The following DACH1 variants were observed in gnomAD, a reference collection of about 807,000 sequenced individuals.
The protein encoded by DACH1 is dachshund family transcription factor 1, also known as dachshund homolog 1.
DACH1 carries 12 observed loss-of-function variants against 54.2 expected under a neutral mutation model. That is an observed-to-expected ratio of 0.22 (90% confidence interval 0.14 to 0.36). The LOEUF is 0.36. Among genes scored for constraint, DACH1 ranks in the 10% least tolerant of loss-of-function variants. The pLI is 1.00. For missense variants in DACH1, 805 were observed against 929.8 expected (o/e 0.87, Z 1.75); for synonymous variants, 386 against 366.2 (o/e 1.05, Z -0.62).
intron 3 of DACH1, among the ~76,000 whole-genome samples, chr13:71,603,777 T>G (rs940040482): frequency 6.6e-6 from 1 of 151,968 alleles, no homozygotes; most frequent in African/African-American, 2.4e-5. Flanking sequence ...TACATTACAT[T>G]AGTTGAAAAT....
chr13:71,701,250 G>A (rs1882124455), intron 1 of DACH1, among the ~76,000 whole-genome samples: 1 of 151,670 alleles, frequency 6.6e-6, no homozygotes, highest in South Asian at 2.1e-4. Flanking sequence ...AAACATAAAT[G>A]GTTATTAAAT....
intron 1 of DACH1, among the ~76,000 whole-genome samples, chr13:71,796,024 G>A (rs761088728): frequency 6.6e-6 from 1 of 152,112 alleles, no homozygotes; most frequent in Non-Finnish European, 1.5e-5. Flanking sequence ...TTTCCCAAGA[G>A]CTTTAAGAAG....
chr13:71,519,542 A>G (rs1223309242), intron 6 of DACH1, among the ~76,000 whole-genome samples: 2 of 151,646 alleles, frequency 1.3e-5, no homozygotes, highest in East Asian at 3.9e-4. Context: ...AAGGATTAAT[A>G]GAGCTAATAA....
intron 7 of DACH1, 32 bp from the exon 8 acceptor site, chr13:71,479,348 T>C: frequency 6.3e-7 from 1 of 1,583,592 alleles, no homozygotes; most frequent in South Asian, 1.2e-5. Context: ...AATGGTAATA[T>C]TTTAATACAA....
At chr13:71,695,743 A>C (rs149541187) in intron 1 of DACH1, among the ~76,000 whole-genome samples, 104 of 152,302 alleles carry the variant, frequency 6.8e-4, no homozygotes, top group Non-Finnish European at 1.2e-3. Context: ...CTTTGAGATA[A>C]TCACCAAGGC....
chr13:71,696,527 A>G (rs1247465182), intron 1 of DACH1, among the ~76,000 whole-genome samples: 1 of 151,988 alleles, frequency 6.6e-6, no homozygotes, highest in Non-Finnish European at 1.5e-5. Context: ...AAATAGCCAT[A>G]TCTAGATAAT....
intron 3 of DACH1, among the ~76,000 whole-genome samples, chr13:71,616,879 A>ATTTTT (rs1171502107): frequency 7.1e-6 from 1 of 140,308 alleles, no homozygotes. Context: ...TCGGGGTTCA[A>ATTTTT]TTTTTTTTTT....
In DACH1 at chr13:71,459,342, T is replaced by A. The variant is rs533594713; in HGVS notation, c.2083+15799A>T. 1.2e-3 allele frequency among the ~76,000 whole-genome samples: 188 copies of A among 152,074 alleles called. 1 individual carries two copies. Among genetic ancestry groups the A allele is most frequent in the South Asian group, 7.2e-3 (35 of 4,828 alleles). ...CTGGAAGCCATACTGGAAGAATGTG[T>A]TCATCCATATTTTTTCCATTCTATA... On this transcript the variant is annotated intron_variant, in intron 10 of 10. Transcript: ENST00000613252.
At chr13:71,649,937 A>T (rs1455692806) in intron 2 of DACH1, among the ~76,000 whole-genome samples, 1 of 152,172 alleles carries the variant, frequency 6.6e-6, no homozygotes, top group African/African-American at 2.4e-5. Context: ...AAATTCTTTA[A>T]TCTCAGACTC....
intron 1 of DACH1, among the ~76,000 whole-genome samples, chr13:71,853,529 G>T (rs1045096651): frequency 1.3e-5 from 2 of 152,074 alleles, no homozygotes; most frequent in African/African-American, 4.8e-5. Context: ...ACATGACACT[G>T]TTTATTATTA....
At chr13:71,544,788 T>C (rs539667261) in intron 6 of DACH1, among the ~76,000 whole-genome samples, 4 of 152,142 alleles carry the variant, frequency 2.6e-5, no homozygotes, top group South Asian at 4.1e-4. Flanking sequence ...CCTGGTGAAT[T>C]ACAAATCTTA....
intron 1 of DACH1, among the ~76,000 whole-genome samples, chr13:71,853,361 T>G (rs1465718169): frequency 6.6e-6 from 1 of 152,200 alleles, no homozygotes; most frequent in Non-Finnish European, 1.5e-5. Flanking sequence ...CATTGTTATT[T>G]AACCAGTCAA....
At chr13:71,842,626 A>T (rs1316782778) in intron 1 of DACH1, among the ~76,000 whole-genome samples, 6 of 152,106 alleles carry the variant, frequency 3.9e-5, no homozygotes, top group Non-Finnish European at 7.4e-5. Flanking sequence ...TAGCAGAGTA[A>T]TGTGACAAGT....
At chr13:71,537,005 T>C (rs1182124667) in intron 6 of DACH1, among the ~76,000 whole-genome samples, 1 of 152,120 alleles carries the variant, frequency 6.6e-6, no homozygotes, top group Non-Finnish European at 1.5e-5. Flanking sequence ...CTGTCATTCC[T>C]CTGGTTAAAA....
chr13:71,801,050 C>T (rs1887270109), intron 1 of DACH1, among the ~76,000 whole-genome samples: 1 of 150,076 alleles, frequency 6.7e-6, no homozygotes, highest in African/African-American at 2.5e-5. Context: ...GCATTATACA[C>T]ATGTAACTTA....
In DACH1 at chr13:71,657,932, G is replaced by A. The variant is rs183491053; in HGVS notation, c.964+23863C>T. On this transcript the variant is annotated intron_variant, in intron 2 of 10. Coordinates refer to ENST00000613252, the MANE Select transcript of DACH1 (RefSeq NM_080759.6). ...AATTTACTTTCAAAAGTATACTCAC[G>A]AACTTAAATAATTCAACACAAAATA... is the stretch of plus-strand genomic sequence containing the variant. Among the ~76,000 whole-genome samples the A allele has an allele frequency of 4.9e-4, 74 of 152,038 alleles. No individual in the cohort carries two copies. The East Asian group carries it at 0.012, about 25-fold the overall frequency.
Position 71,440,373 on chromosome 13 carries a change from CT to C in DACH1, c.*281del. On this transcript the variant is annotated 3_prime_UTR_variant, in exon 11 of 11. Transcript: ENST00000613252. Reference sequence around the variant, plus strand: ...GTCTTATTCAGACCTGCCTTTAACTCTGTATACAATTGTCCAGCAGCAAGTT... The same window carrying C: ...GTCTTATTCAGACCTGCCTTTAACTCGTATACAATTGTCCAGCAGCAAGTT... 3.0e-6 allele frequency: 1 copy of C among 332,906 alleles called. No homozygotes were observed. The highest frequency in any genetic ancestry group is 3.8e-5 in the South Asian group (1 of 26,134). The allele number at this position is 332,906 out of a possible 1,614,324, so 20.6% of individuals were successfully genotyped here. A position where few individuals can be genotyped will look rare whatever the true frequency, so the allele number is the denominator to read the frequency against.
chr13:71,831,948 T>A (rs1000899953), intron 1 of DACH1, among the ~76,000 whole-genome samples: 23 of 151,926 alleles, frequency 1.5e-4, no homozygotes, highest in African/African-American at 4.8e-4. Context: ...TATAATCTTG[T>A]GAAACCCTGT....
intron 3 of DACH1, among the ~76,000 whole-genome samples, chr13:71,621,635 C>T (rs1369713157): frequency 2.6e-5 from 4 of 152,020 alleles, no homozygotes; most frequent in Non-Finnish European, 1.5e-5. Context: ...CTCAGTTCTG[C>T]TTTTGAGATA....
Sources: gnomAD v4.1 joint callset for allele counts (sites outside exome capture counted in the v4.1 genomes callset) on GRCh38, gnomAD v4.1.1 for gene constraint, MANE v1.5 for transcripts, NCBI Gene and HGNC (gene_info 2026-07-23, HGNC 2026-07-21) for gene names.